Variants in NUMA1 observed in about 807,000 individuals in gnomAD.
The protein encoded by NUMA1 is nuclear mitotic apparatus protein 1, also known as SP-H antigen.
In NUMA1, 62 loss-of-function variants were observed where a neutral mutation model predicts 237.1. The ratio of observed to expected loss-of-function variants is 0.26; its 90% CI spans 0.21 to 0.32. NUMA1 has a LOEUF of 0.32. Among genes scored for constraint, NUMA1 ranks in the 10% least tolerant of loss-of-function variants. NUMA1 has a pLI of 1.00. For synonymous variants in NUMA1, 1,028 were observed against 1,066.1 expected (o/e 0.96, Z 0.70); for missense variants, 2,533 against 2,666.5 (o/e 0.95, Z 1.10).
Position 72,022,580 on chromosome 11 carries a change from C to CT in NUMA1, c.292-162dup, listed in dbSNP as rs10716998. 2.2e-4 allele frequency among the ~76,000 whole-genome samples: 31 copies of CT among 139,234 alleles called. 1 individual carries two copies. The South Asian group carries it at 6.8e-3, about 30-fold the overall frequency. 91.3% of individuals were successfully genotyped at this position (139,234 alleles called of 152,430 possible). ...CCATCCTTAACAGCTCCAGGAAACA[C>CT]TTTTTTTTTTTTTTTTTAATTAAGG... On this transcript the variant is annotated intron_variant, in intron 6 of 26. Transcript: ENST00000393695.
chr11:72,003,690 G>A, intron 26 of NUMA1, 152 bp from the exon 27 acceptor site: 1 of 1,051,424 alleles, frequency 9.5e-7, no homozygotes, highest in Non-Finnish European at 1.4e-6. Context: ...TGCCTGAGCA[G>A]CTCTGGGTGC....
intron 23 of NUMA1, 91 bp from the exon 24 acceptor site, chr11:72,004,907 CA>C: frequency 7.8e-7 from 1 of 1,281,502 alleles, no homozygotes; most frequent in Non-Finnish European, 1.1e-6. Flanking sequence ...ACTCGCCCGA[CA>C]CTTATGGTCG....
chr11:72,018,756 A>G, intron 10 of NUMA1, 67 bp downstream of exon 10: 1 of 1,548,700 alleles, frequency 6.5e-7, no homozygotes, highest in Non-Finnish European at 8.7e-7. Context: ...AGGGGACAAC[A>G]TGGGAGGCCA....
chr11:72,007,284 G>A lies in NUMA1; in HGVS notation c.5368C>T (p.Leu1790=). The change falls in exon 21 of 27, where the codon CTG becomes TTG. Residue 1790 remains leucine (L), a synonymous_variant. Coordinates refer to ENST00000393695, the MANE Select transcript of NUMA1 (RefSeq NM_006185.4). ...ARSQAPLESS[L]DSLGDVFLDS... ...AGGAAGACGTCTCCCAGGGAGTCCA[G>A]GCTGCTCTCCAGGGGGGCCTGACTC... The A allele has an allele frequency of 1.2e-6, 2 of 1,613,458 alleles. No individual in the cohort carries two copies. The highest frequency in any genetic ancestry group is 2.2e-5 in the East Asian group (1 of 44,842).
intron 2 of NUMA1, among the ~76,000 whole-genome samples, chr11:72,050,214 C>G (rs1489566074): frequency 6.6e-6 from 1 of 152,200 alleles, no homozygotes; most frequent in Non-Finnish European, 1.5e-5. Flanking sequence ...TCTGTCTAAA[C>G]AGACTAAAGA....
At chr11:72,017,559 C>T in intron 13 of NUMA1, 128 bp downstream of exon 13, 1 of 1,137,334 alleles carries the variant, frequency 8.8e-7, no homozygotes, top group Non-Finnish European at 1.3e-6. Flanking sequence ...CTTTCAATTA[C>T]AGCACACTAT....
At chr11:72,035,139 G>A (rs983397525) in intron 3 of NUMA1, among the ~76,000 whole-genome samples, 7 of 151,552 alleles carry the variant, frequency 4.6e-5, no homozygotes, top group South Asian at 2.1e-4. Flanking sequence ...TTACAGGTGT[G>A]AGCCACCACA....
intron 3 of NUMA1, 49 bp from the exon 4 acceptor site, chr11:72,029,339 T>G: frequency 2.0e-6 from 2 of 1,024,732 alleles, no homozygotes; most frequent in Non-Finnish European, 2.9e-6. Flanking sequence ...AGCAACATGG[T>G]TTGCTCCTTT....
chr11:72,003,660 G>T, intron 26 of NUMA1, 122 bp from the exon 27 acceptor site: 1 of 1,328,762 alleles, frequency 7.5e-7, no homozygotes, highest in South Asian at 1.2e-5. Context: ...GTGAGCCCCA[G>T]GGTTATCAGT....
intron 2 of NUMA1, chr11:72,050,789 T>G (rs1381987022): frequency 1.3e-5 from 2 of 152,136 alleles, no homozygotes; most frequent in Non-Finnish European, 2.9e-5. Flanking sequence ...TCTTCATGTA[T>G]ACAAAGCATT....
At chr11:72,074,977 T>C (rs956435305) in intron 1 of NUMA1, among the ~76,000 whole-genome samples, 1 of 151,918 alleles carries the variant, frequency 6.6e-6, no homozygotes, top group African/African-American at 2.4e-5. Flanking sequence ...GAGGTTGCAG[T>C]GAGCCAAGAC....
At position 72,006,176 on chromosome 11, in the gene NUMA1, T is replaced by C. The variant is rs781176123; in HGVS notation, c.5551A>G (p.Thr1851Ala). 4.4e-5 allele frequency: 71 copies of C among 1,613,922 alleles called. No homozygotes were observed. Among genetic ancestry groups the C allele is most frequent in the Middle Eastern group, 1.6e-4 (1 of 6,084 alleles). ...CGAGCTAGAGACTGAGTAGAGGAGG[T>C]GGCTCGCAGGCTAGCCTGGGAAGCA... ...APASQASLRA[T>A]SSTQSLARLG... The change falls in exon 22 of 27, where the codon ACC becomes GCC. Residue 1851 changes from threonine (T) to alanine (A), a missense_variant. Physicochemically the swap from Thr to Ala is moderately conservative, Grantham distance 58. This residue lies in a region of NUMA1 where 795 missense variants were observed against 750.8 expected (regional missense o/e 1.06). Transcript: ENST00000393695.
At position 72,049,560 on chromosome 11, in the gene NUMA1, A is replaced by AATATATATAT. The variant is rs1555034472; in HGVS notation, c.-32-13595_-32-13586dup. The stretch of plus-strand genomic sequence containing the variant: ...CCTGTCTAAAAAAAAAAATAATAAT[A>AATATATATAT]ATATATATATATATATATATATAGT... On this transcript the variant is annotated intron_variant, in intron 2 of 26. Transcript: ENST00000393695. 3.8e-3 allele frequency: 154 copies of AATATATATAT among 41,012 alleles called. 7 individuals carry two copies. Among genetic ancestry groups the AATATATATAT allele is most frequent in the African/African-American group, 0.011 (136 of 11,834 alleles). 2.5% of individuals were successfully genotyped at this position (41,012 alleles called of 1,614,324 possible).
intron 10 of NUMA1, 58 bp from the exon 11 acceptor site, chr11:72,018,571 T>C: frequency 1.4e-6 from 2 of 1,440,212 alleles, no homozygotes; most frequent in Non-Finnish European, 9.8e-7. Flanking sequence ...TGAGCGGAAC[T>C]ATGTGCACAG....
At chr11:72,051,648 T>G (rs1180757041) in intron 2 of NUMA1, among the ~76,000 whole-genome samples, 1 of 152,056 alleles carries the variant, frequency 6.6e-6, no homozygotes, top group Non-Finnish European at 1.5e-5. Flanking sequence ...GTTTTGTACT[T>G]TTTGTAGAGA....
chr11:72,025,902 C>A (rs944179191), intron 4 of NUMA1, among the ~76,000 whole-genome samples: 6 of 152,210 alleles, frequency 3.9e-5, no homozygotes, highest in African/African-American at 9.7e-5. Flanking sequence ...CCTACCCACC[C>A]ACAATCTGGA....
rs11300189 is a variant in NUMA1 at position 72,028,450 on chromosome 11, TAAAAAAAAAA to T, written c.128+745_128+754del. Among the ~76,000 whole-genome samples, 42 of 75,402 alleles carry T rather than the reference TAAAAAAAAAA, an allele frequency of 5.6e-4. No homozygotes were observed. The East Asian group carries it at 6.9e-3, about 12-fold the overall frequency. 49.5% of individuals were successfully genotyped at this position (75,402 alleles called of 152,430 possible). On this transcript the variant is annotated intron_variant, in intron 4 of 26. Coordinates refer to ENST00000393695, the MANE Select transcript of NUMA1 (RefSeq NM_006185.4). ...GCAAACAATCTAATGTGCTTTTTCTTAAAAAAAAAAAAAAAAAAAAAAAAAAAAGATGACA... is the reference window on the plus strand; with the variant it reads ...GCAAACAATCTAATGTGCTTTTTCTTAAAAAAAAAAAAAAAAAAGATGACA...
chr11:72,070,426 G>A (rs181115325), intron 1 of NUMA1, among the ~76,000 whole-genome samples: 232 of 152,224 alleles, frequency 1.5e-3, no homozygotes, highest in African/African-American at 5.3e-3. Flanking sequence ...TTCTCTCTGC[G>A]TGAGCCAAGC....
intron 2 of NUMA1, among the ~76,000 whole-genome samples, chr11:72,042,458 T>G (rs1336784389): frequency 6.6e-6 from 1 of 152,166 alleles, no homozygotes; most frequent in African/African-American, 2.4e-5. Flanking sequence ...CTAACCAGTT[T>G]AGAATAGGGA....
Sources: gnomAD v4.1 joint callset for allele counts (sites outside exome capture counted in the v4.1 genomes callset) on GRCh38, gnomAD v4.1.1 for gene constraint, gnomAD v4.1.1 regional missense constraint, MANE v1.5 for transcripts, NCBI Gene and HGNC (gene_info 2026-07-23, HGNC 2026-07-21) for gene names.